FAAH2: variants seen among roughly 807,000 people sequenced by gnomAD.
FAAH2 encodes the protein fatty-acid amide hydrolase 2.
A neutral mutation model predicts 36.9 loss-of-function variants in FAAH2; 60 were observed. The observed-to-expected ratio is 1.63, with a 90% CI of 1.32 to 2.02. FAAH2 has a LOEUF of 2.02. Ranked by LOEUF, FAAH2 falls within the 30% of genes most tolerant of loss-of-function variation. The pLI, the probability that FAAH2 is intolerant of heterozygous loss-of-function variation, is 0.00. For synonymous variants in FAAH2, 214 were observed against 143.8 expected, an observed-to-expected ratio of 1.49 and a Z score of -3.49; for missense variants, 689 against 397.5, an observed-to-expected ratio of 1.73 and a Z score of -6.23.
At chrX:57,301,909 G>T (rs1303784626) in intron 2 of FAAH2, among the ~76,000 whole-genome samples, 3 of 111,891 alleles carry the variant, frequency 2.7e-5, no homozygotes, top group Admixed American at 9.5e-5. Flanking sequence ...GACAATGTTT[G>T]TTTTGGAGCT....
At chrX:57,355,861 T>G (rs2054145515) in intron 5 of FAAH2, among the ~76,000 whole-genome samples, 1 of 111,412 alleles carries the variant, frequency 9.0e-6, no homozygotes, top group Non-Finnish European at 1.9e-5. Context: ...CCTTCTTTGT[T>G]CTTCATTTTA....
At chrX:57,184,784 A>G in the FAAH2 span, among the ~76,000 whole-genome samples, 2 of 112,118 alleles carry the variant, frequency 1.8e-5, no homozygotes, top group Non-Finnish European at 3.8e-5. Context: ...AAATAACCCC[A>G]ATTCCATATA....
chrX:57,178,348 G>A, the FAAH2 span, among the ~76,000 whole-genome samples: 1 of 111,924 alleles, frequency 8.9e-6, no homozygotes, highest in African/African-American at 3.2e-5. Context: ...CTGTGTTATT[G>A]TGCCTGCAGA....
the FAAH2 span, among the ~76,000 whole-genome samples, chrX:57,192,866 G>T: frequency 8.9e-6 from 1 of 112,120 alleles, no homozygotes. Context: ...GATTTCCTAT[G>T]CCTGTCTTTA....
At chrX:57,381,085 T>A in intron 7 of FAAH2, 56 bp downstream of exon 7, 1 of 914,744 alleles carries the variant, frequency 1.1e-6, no homozygotes, top group East Asian at 3.3e-5. Context: ...GATATCCTTC[T>A]GAGCCCTTTA....
At chrX:57,468,681 A>G (rs2057098169) in intron 10 of FAAH2, among the ~76,000 whole-genome samples, 1 of 111,988 alleles carries the variant, frequency 8.9e-6, no homozygotes, top group South Asian at 3.7e-4. Context: ...TCTACAGGAT[A>G]TTATCCAGGA....
chrX:57,426,259 A>G (rs1178685429), intron 7 of FAAH2, among the ~76,000 whole-genome samples: 2 of 112,078 alleles, frequency 1.8e-5, no homozygotes, highest in Admixed American at 1.9e-4. Context: ...ACCCAGAATC[A>G]TAAAACAAAT....
At chrX:57,373,923 A>G (rs756735525) in intron 5 of FAAH2, among the ~76,000 whole-genome samples, 2 of 111,484 alleles carry the variant, frequency 1.8e-5, no homozygotes, top group Admixed American at 9.6e-5. Flanking sequence ...ATCCAGTTTC[A>G]TTATCCTAGA....
chrX:57,352,915 A>G (rs932661660), intron 5 of FAAH2, among the ~76,000 whole-genome samples: 8 of 110,606 alleles, frequency 7.2e-5, no homozygotes, highest in Admixed American at 6.8e-4. Flanking sequence ...AAAGATTACT[A>G]CAAAGAAAAC....
chrX:57,282,292 G>A (rs2051762044), upstream of FAAH2, among the ~76,000 whole-genome samples: 1 of 111,838 alleles, frequency 8.9e-6, no homozygotes, highest in African/African-American at 3.3e-5. Flanking sequence ...TCTCTTCGTG[G>A]TTTTGATTTA....
At chrX:57,341,803 G>T (rs1362085321) in intron 5 of FAAH2, among the ~76,000 whole-genome samples, 1 of 111,214 alleles carries the variant, frequency 9.0e-6, no homozygotes, top group East Asian at 2.8e-4. Flanking sequence ...AGTTAAATTT[G>T]ATTTTCCCTC....
the FAAH2 span, among the ~76,000 whole-genome samples, chrX:57,168,680 A>T: frequency 2.8e-4 from 31 of 111,986 alleles, no homozygotes; most frequent in African/African-American, 7.8e-4. Context: ...AGACAACTTC[A>T]TCAACTGCAG....
intron 5 of FAAH2, among the ~76,000 whole-genome samples, chrX:57,342,587 A>G (rs1007777957): frequency 6.3e-5 from 7 of 111,290 alleles, no homozygotes; most frequent in Non-Finnish European, 1.3e-4. Context: ...GAGTACTGAA[A>G]ATTGGCCTGC....
Position 57,301,101 on chromosome X carries a change from C to G in FAAH2, c.275+8521C>G, listed in dbSNP as rs1268822914. On this transcript the variant is annotated intron_variant, in intron 2 of 10. Transcript: ENST00000374900. ...TAGAAATACCATTTGATCCAGCCAT[C>G]CCATTACTGGGTATATACCCAAAGG... Among the ~76,000 whole-genome samples the G allele has an allele frequency of 4.6e-5, 5 of 108,339 alleles. No homozygotes were observed. In the South Asian group the frequency reaches 2.1e-3, roughly 46 times the overall value. The allele number at this position is 108,339 out of a possible 115,157, so 94.1% of individuals were successfully genotyped here.
At chrX:57,477,271 G>T in intron 10 of FAAH2, among the ~76,000 whole-genome samples, 1 of 108,914 alleles carries the variant, frequency 9.2e-6, no homozygotes, top group African/African-American at 3.3e-5. Context: ...TATAGTATTG[G>T]CTTAAAAGAC....
the FAAH2 span, among the ~76,000 whole-genome samples, chrX:57,181,762 A>T: frequency 8.9e-6 from 1 of 112,098 alleles, no homozygotes; most frequent in East Asian, 2.8e-4. Context: ...AAAAAGCCTG[A>T]ATAGCCAAGG....
chrX:57,413,031 G>T (rs1272156504), intron 7 of FAAH2, among the ~76,000 whole-genome samples: 2 of 112,257 alleles, frequency 1.8e-5, no homozygotes, highest in African/African-American at 3.2e-5. Context: ...CTTCTAGTGA[G>T]AAGTGTCTGT....
At chrX:57,381,133 G>A in intron 7 of FAAH2, 104 bp downstream of exon 7, 1 of 569,711 alleles carries the variant, frequency 1.8e-6, no homozygotes, top group Non-Finnish European at 2.8e-6. Context: ...TCAGCATACG[G>A]AATTAAGGTT....
At chrX:57,454,089 A>G (rs992986534) in intron 10 of FAAH2, among the ~76,000 whole-genome samples, 2 of 104,200 alleles carry the variant, frequency 1.9e-5, no homozygotes, top group Admixed American at 2.1e-4. Flanking sequence ...ACAGAGGACT[A>G]CTGTCATCTT....
Sources: gnomAD v4.1 joint callset for allele counts (sites outside exome capture counted in the v4.1 genomes callset) on GRCh38, gnomAD v4.1.1 for gene constraint, MANE v1.5 for transcripts, NCBI Gene and HGNC (gene_info 2026-07-23, HGNC 2026-07-21) for gene names.